CDYL: variants seen among roughly 807,000 people sequenced by gnomAD.
CDYL encodes the protein chromodomain Y-like protein.
A neutral mutation model predicts 47.3 loss-of-function variants in CDYL; 8 were observed. The observed-to-expected ratio is 0.17, with a 90% CI of 0.10 to 0.31. The LOEUF (loss-of-function observed/expected upper bound fraction) is 0.31. Ranked by LOEUF, CDYL falls within the 10% of genes least tolerant of loss-of-function variation. The pLI, the probability that CDYL is intolerant of heterozygous loss-of-function variation, is 1.00. For synonymous variants in CDYL, 266 were observed against 265.0 expected, an observed-to-expected ratio of 1.00 and a Z score of -0.04; for missense variants, 471 against 701.4, an observed-to-expected ratio of 0.67 and a Z score of 3.71.
At chr6:4,911,087 A>G (rs922851801) in intron 2 of CDYL, among the ~76,000 whole-genome samples, 2 of 152,198 alleles carry the variant, frequency 1.3e-5, no homozygotes, top group East Asian at 3.9e-4. Context: ...TGGCCTCCCA[A>G]AGTGCTGGGA....
intron 1 of CDYL, among the ~76,000 whole-genome samples, chr6:4,778,672 A>T (rs1056965307): frequency 6.6e-6 from 1 of 152,184 alleles, no homozygotes; most frequent in African/African-American, 2.4e-5. Context: ...GTTTTATTTT[A>T]GTTTTGGAAA....
At chr6:4,756,386 C>T (rs1758074594) in intron 3 of CDYL, among the ~76,000 whole-genome samples, 1 of 152,128 alleles carries the variant, frequency 6.6e-6, no homozygotes, top group South Asian at 2.1e-4. Context: ...ACTTTGCTCA[C>T]TCAGCCTTGC....
intron 1 of CDYL, among the ~76,000 whole-genome samples, chr6:4,812,850 T>C (rs1759566980): frequency 6.6e-6 from 1 of 152,210 alleles, no homozygotes; most frequent in Admixed American, 6.5e-5. Flanking sequence ...TTACTTGTCT[T>C]CTTCTGTCCT....
intron 2 of CDYL, among the ~76,000 whole-genome samples, chr6:4,919,134 C>T (rs572052872): frequency 3.3e-5 from 5 of 152,150 alleles, no homozygotes; most frequent in East Asian, 1.9e-4. Context: ...AAGTTCTTTT[C>T]GTTATCCTAC....
At chr6:4,725,579 T>C (rs1438248335) in intron 2 of CDYL, among the ~76,000 whole-genome samples, 2 of 152,190 alleles carry the variant, frequency 1.3e-5, no homozygotes, top group Non-Finnish European at 2.9e-5. Context: ...CTGGTGGACC[T>C]GCACCTCCGG....
intron 1 of CDYL, among the ~76,000 whole-genome samples, chr6:4,852,552 CTT>C (rs1760879232): frequency 7.7e-6 from 1 of 130,622 alleles, no homozygotes; most frequent in Admixed American, 8.4e-5. Context: ...TCCTTCCTTC[CTT>C]CCTTCCAATC....
chr6:4,791,169 A>G (rs952365313), intron 1 of CDYL, among the ~76,000 whole-genome samples: 53 of 152,236 alleles, frequency 3.5e-4, no homozygotes, highest in African/African-American at 1.3e-3. Flanking sequence ...CTAAGAATCA[A>G]GAAAGCATCA....
At chr6:4,724,201 C>T (rs529642115) in intron 2 of CDYL, among the ~76,000 whole-genome samples, 50 of 150,580 alleles carry the variant, frequency 3.3e-4, no homozygotes, top group South Asian at 1.1e-3. Flanking sequence ...CCATCACACC[C>T]AGCTAATTTT....
chr6:4,874,006 C>T (rs2127474542), intron 1 of CDYL, among the ~76,000 whole-genome samples: 1 of 152,256 alleles, frequency 6.6e-6, no homozygotes, highest in African/African-American at 2.4e-5. Flanking sequence ...CATTCCCAAA[C>T]CACAGAGTAA....
chr6:4,808,458 A>G (rs1759434164), intron 1 of CDYL, among the ~76,000 whole-genome samples: 1 of 152,242 alleles, frequency 6.6e-6, no homozygotes, highest in Non-Finnish European at 1.5e-5. Flanking sequence ...TCATTTGCTC[A>G]ACTCTAGTAT....
chr6:4,865,839 G>A (rs1339068764), intron 1 of CDYL, among the ~76,000 whole-genome samples: 2 of 152,216 alleles, frequency 1.3e-5, no homozygotes, highest in African/African-American at 4.8e-5. Context: ...TCTCTAGTCA[G>A]TGTCAGTTGT....
chr6:4,780,228 T>TC (rs893079136), intron 1 of CDYL, among the ~76,000 whole-genome samples: 38 of 151,654 alleles, frequency 2.5e-4, no homozygotes, highest in Admixed American at 7.9e-4. Flanking sequence ...TCCTTTCCTT[T>TC]CTTTCTTTCT....
intron 2 of CDYL, among the ~76,000 whole-genome samples, chr6:4,720,303 AGAAT>A (rs1331036521): frequency 1.3e-5 from 2 of 152,212 alleles, no homozygotes; most frequent in Non-Finnish European, 2.9e-5. Flanking sequence ...AAACTTAACC[AGAAT>A]GAATGACGAC....
chr6:4,870,828 A>G (rs1761452670), intron 1 of CDYL, among the ~76,000 whole-genome samples: 1 of 151,888 alleles, frequency 6.6e-6, no homozygotes, highest in South Asian at 2.1e-4. Context: ...TTATTTTTTT[A>G]TTTTGATACA....
At chr6:4,710,578 A>G (rs1427883797) in intron 1 of CDYL, among the ~76,000 whole-genome samples, 1 of 152,068 alleles carries the variant, frequency 6.6e-6, no homozygotes, top group Non-Finnish European at 1.5e-5. Flanking sequence ...GGAGGGAGGA[A>G]CCCAGTGGCT....
upstream of CDYL, among the ~76,000 whole-genome samples, chr6:4,776,086 C>T (rs1758431444): frequency 6.6e-6 from 1 of 150,526 alleles, no homozygotes; most frequent in African/African-American, 2.4e-5. Flanking sequence ...TCGAGGCGGG[C>T]TGGGGGGCGG....
At chr6:4,717,133 G>A (rs758339625) in intron 2 of CDYL, among the ~76,000 whole-genome samples, 1 of 152,120 alleles carries the variant, frequency 6.6e-6, no homozygotes, top group Non-Finnish European at 1.5e-5. Flanking sequence ...AAGTCACTTG[G>A]AAGAGGTTGT....
At chr6:4,835,949 G>A (rs916372945) in intron 1 of CDYL, 16 of 152,864 alleles carry the variant, frequency 1.0e-4, no homozygotes, top group African/African-American at 3.6e-4. Context: ...GTATTCGGGT[G>A]GGAGTGACCC....
chr6:4,930,112 T>TG (rs1757990254), intron 2 of CDYL, among the ~76,000 whole-genome samples: 1 of 152,254 alleles, frequency 6.6e-6, no homozygotes, highest in Non-Finnish European at 1.5e-5. Context: ...GTCTCTCTAC[T>TG]GAATGCCTCA....
Sources: allele counts gnomAD v4.1 joint callset (sites outside exome capture counted in the v4.1 genomes callset), GRCh38; gene constraint gnomAD v4.1.1; transcripts MANE v1.5; gene names NCBI Gene and HGNC (gene_info 2026-07-23, HGNC 2026-07-21).